Variants in TSPAN5 observed in about 807,000 individuals in gnomAD.
TSPAN5 encodes the protein tetraspanin-5.
A neutral mutation model predicts 37.1 loss-of-function variants in TSPAN5; 10 were observed. The observed-to-expected ratio is 0.27, with a 90% CI of 0.17 to 0.46. The LOEUF (loss-of-function observed/expected upper bound fraction) is 0.46. Ranked by LOEUF, TSPAN5 falls within the 20% of genes least tolerant of loss-of-function variation. The probability of loss-of-function intolerance (pLI) is 1.00; values close to 1 mark genes in which losing one functional copy is unlikely to be tolerated. For missense variants in TSPAN5, 195 were observed against 326.6 expected (o/e 0.60, Z 3.11); for synonymous variants, 110 against 118.9 (o/e 0.93, Z 0.48).
chr4:98,517,927 C>A (rs1753770650), intron 1 of TSPAN5, among the ~76,000 whole-genome samples: 1 of 152,190 alleles, frequency 6.6e-6, no homozygotes, highest in African/African-American at 2.4e-5. Context: ...AACTCAAGCA[C>A]TTCAAATCAG....
At chr4:98,498,531 G>A (rs1753268073) in intron 2 of TSPAN5, among the ~76,000 whole-genome samples, 1 of 152,168 alleles carries the variant, frequency 6.6e-6, no homozygotes, top group Non-Finnish European at 1.5e-5. Flanking sequence ...CGCCGACAAA[G>A]GACATCTTTC....
intron 1 of TSPAN5, among the ~76,000 whole-genome samples, chr4:98,654,798 C>A (rs900511269): frequency 6.6e-6 from 1 of 152,182 alleles, no homozygotes; most frequent in Admixed American, 6.5e-5. Flanking sequence ...GGACACTATA[C>A]CAGGAACTGA....
intron 1 of TSPAN5, among the ~76,000 whole-genome samples, chr4:98,518,322 TA>T (rs1753781602): frequency 6.6e-6 from 1 of 152,206 alleles, no homozygotes; most frequent in African/African-American, 2.4e-5. Flanking sequence ...CTTCAGTATA[TA>T]CCAGCCACCA....
chr4:98,482,245 C>T, intron 3 of TSPAN5, 70 bp from the exon 4 acceptor site: 1 of 1,405,742 alleles, frequency 7.1e-7, no homozygotes, highest in Non-Finnish European at 9.8e-7. Context: ...CTAAATGGTT[C>T]CTCTCTAAAC....
chr4:98,626,575 C>A (rs1417537698), intron 1 of TSPAN5, among the ~76,000 whole-genome samples: 1 of 152,190 alleles, frequency 6.6e-6, no homozygotes, highest in East Asian at 1.9e-4. Context: ...CAGACCGCCT[C>A]CTCCTCACCC....
At chr4:98,577,468 C>T (rs1357295532) in intron 1 of TSPAN5, among the ~76,000 whole-genome samples, 1 of 152,180 alleles carries the variant, frequency 6.6e-6, no homozygotes, top group Non-Finnish European at 1.5e-5. Flanking sequence ...AGCATCGCTC[C>T]ATAATTGACC....
intron 2 of TSPAN5, among the ~76,000 whole-genome samples, chr4:98,487,238 GAAAA>G (rs11318498): frequency 7.7e-6 from 1 of 130,404 alleles, no homozygotes; most frequent in African/African-American, 2.9e-5. Context: ...TATATGTAGA[GAAAA>G]AAAAAAAAAA....
intron 1 of TSPAN5, among the ~76,000 whole-genome samples, chr4:98,518,623 G>T (rs888825723): frequency 2.0e-5 from 3 of 152,236 alleles, no homozygotes; most frequent in African/African-American, 7.2e-5. Flanking sequence ...ATCAAAGCCT[G>T]AAACAGCATC....
At chr4:98,521,159 T>C (rs1206321782) in intron 1 of TSPAN5, among the ~76,000 whole-genome samples, 2 of 152,218 alleles carry the variant, frequency 1.3e-5, no homozygotes, top group Non-Finnish European at 2.9e-5. Context: ...CTTGAACTCC[T>C]GACTTCGTGA....
At position 98,588,325 on chromosome 4, in the gene TSPAN5, A is replaced by G. The variant is rs866913253; in HGVS notation, c.81+69821T>C. On this transcript the variant is annotated intron_variant, in intron 1 of 7. Transcript: ENST00000305798. ...AGTAACAGAGACCGCAGAAGATCAC[A>G]GAAATCTGTTTCCACCGTATGTTTC... Among the ~76,000 whole-genome samples the G allele has an allele frequency of 9.8e-5, 15 of 152,292 alleles. 1 individual carries two copies. The South Asian group carries it at 2.5e-3, about 25-fold the overall frequency.
intron 1 of TSPAN5, among the ~76,000 whole-genome samples, chr4:98,602,473 C>T (rs1755904506): frequency 6.6e-6 from 1 of 152,154 alleles, no homozygotes; most frequent in Non-Finnish European, 1.5e-5. Context: ...ACCAGAAACA[C>T]TTTACTCATT....
intron 1 of TSPAN5, among the ~76,000 whole-genome samples, chr4:98,550,508 C>A (rs971068554): frequency 6.6e-6 from 1 of 151,912 alleles, no homozygotes; most frequent in Admixed American, 6.6e-5. Context: ...TCTTCTAACC[C>A]ATGAGCATGG....
chr4:98,504,507 C>G (rs1235295232), intron 2 of TSPAN5, among the ~76,000 whole-genome samples: 1 of 152,216 alleles, frequency 6.6e-6, no homozygotes, highest in Non-Finnish European at 1.5e-5. Context: ...GAGCCTGAAA[C>G]TCTCCTAAAA....
At chr4:98,640,935 G>A (rs988771510) in intron 1 of TSPAN5, among the ~76,000 whole-genome samples, 7 of 152,080 alleles carry the variant, frequency 4.6e-5, no homozygotes, top group African/African-American at 1.7e-4. Context: ...TGATCCTAGA[G>A]GTCGCCACTA....
At chr4:98,556,564 A>C (rs186374031) in intron 1 of TSPAN5, among the ~76,000 whole-genome samples, 1 of 152,344 alleles carries the variant, frequency 6.6e-6, no homozygotes, top group East Asian at 1.9e-4. Context: ...TCTCAATAAA[A>C]TAATAGAGTT....
intron 1 of TSPAN5, among the ~76,000 whole-genome samples, chr4:98,564,918 AG>A (rs1464657435): frequency 6.6e-6 from 1 of 152,192 alleles, no homozygotes; most frequent in East Asian, 1.9e-4. Context: ...AAAAAGAGAC[AG>A]GATATCACCA....
intron 1 of TSPAN5, among the ~76,000 whole-genome samples, chr4:98,638,728 C>G (rs1756907581): frequency 6.6e-6 from 1 of 152,168 alleles, no homozygotes; most frequent in South Asian, 2.1e-4. Context: ...TTTTACCCTA[C>G]TCGCAAGGTA....
intron 1 of TSPAN5, among the ~76,000 whole-genome samples, chr4:98,629,284 T>G (rs1236883480): frequency 6.6e-6 from 1 of 152,198 alleles, no homozygotes; most frequent in Non-Finnish European, 1.5e-5. Context: ...CAACCAAGAT[T>G]GCAGGCAAGT....
At chr4:98,571,303 C>T (rs572046348) in intron 1 of TSPAN5, among the ~76,000 whole-genome samples, 11 of 151,792 alleles carry the variant, frequency 7.2e-5, no homozygotes, top group South Asian at 6.3e-4. Flanking sequence ...GCAGGCTGCA[C>T]GGGGGAGCGC....
Sources: gnomAD v4.1 joint callset for allele counts (sites outside exome capture counted in the v4.1 genomes callset) on GRCh38, gnomAD v4.1.1 for gene constraint, MANE v1.5 for transcripts, NCBI Gene and HGNC (gene_info 2026-07-23, HGNC 2026-07-21) for gene names.